The following LRRK2 variants were observed in gnomAD, a reference collection of about 807,000 sequenced individuals.
The protein encoded by LRRK2 is leucine-rich repeat serine/threonine-protein kinase 2.
Under a neutral mutation model 302.6 loss-of-function variants are expected in LRRK2, and 203 were observed. The observed-to-expected ratio is 0.67, with a 90% CI of 0.60 to 0.75. LRRK2 has a LOEUF of 0.75. Among genes scored for constraint, LRRK2 ranks in the 30% least tolerant of loss-of-function variants. The pLI, the probability that LRRK2 is intolerant of heterozygous loss-of-function variation, is 0.00. For missense variants in LRRK2, 2,830 were observed against 2,951.0 expected, an observed-to-expected ratio of 0.96 and a Z score of 0.95; for synonymous variants, 1,066 against 1,031.9, an observed-to-expected ratio of 1.03 and a Z score of -0.63.
chr12:40,276,010 T>C (rs1005545885), intron 16 of LRRK2, among the ~76,000 whole-genome samples: 1 of 152,152 alleles, frequency 6.6e-6, no homozygotes, highest in Non-Finnish European at 1.5e-5. Context: ...TGAGAGAATA[T>C]GTGTAAAGTT....
Position 40,240,536 on chromosome 12 carries a change from T to C in LRRK2, c.625T>C (p.Leu209=). Residue 209 remains leucine, a synonymous_variant, in exon 6 of 51, where the codon TTA becomes CTA. Coordinates refer to ENST00000298910, the MANE Select transcript of LRRK2 (RefSeq NM_198578.4). ...FVENKDYMIL[L]SALTNFKDEE... ...TGAGAACAAAGATTATATGATATTG[T>C]TAAGTGCGTTAACAAATTTTAAAGA... 6.2e-7 allele frequency: 1 copy of C among 1,613,250 alleles called. No individual in the cohort carries two copies. Among genetic ancestry groups the C allele is most frequent in the South Asian group, 1.1e-5 (1 of 91,068 alleles).
intron 5 of LRRK2, among the ~76,000 whole-genome samples, chr12:40,238,683 A>G (rs1236696035): frequency 6.6e-6 from 1 of 152,180 alleles, no homozygotes; most frequent in Non-Finnish European, 1.5e-5. Flanking sequence ...TTGTGACAGT[A>G]CAGTTCAATT....
rs1393723893 is a variant in LRRK2 at position 40,260,221 on chromosome 12, G to GA, written c.1543+624dup. On this transcript the variant is annotated intron_variant, in intron 13 of 50. Coordinates refer to ENST00000298910, the MANE Select transcript of LRRK2 (RefSeq NM_198578.4). The stretch of plus-strand genomic sequence containing the variant: ...CTGTTAAACTTTAAAAGATGAATTG[G>GA]AAAAAAAGCACAACTGTACTATTAT... Among the ~76,000 whole-genome samples, 3 of 151,818 alleles carry GA rather than the reference G, an allele frequency of 2.0e-5. No individual in the cohort carries two copies. In the East Asian group the frequency reaches 5.8e-4, roughly 29 times the overall value.
chr12:40,250,038 C>T (rs1942184316), intron 8 of LRRK2, 93 bp downstream of exon 8: 2 of 1,460,080 alleles, frequency 1.4e-6, no homozygotes, highest in Non-Finnish European at 1.9e-6. Flanking sequence ...CAGATGGAAG[C>T]ATTCAATGCC....
intron 19 of LRRK2, among the ~76,000 whole-genome samples, chr12:40,284,514 A>G (rs897707320): frequency 6.6e-6 from 1 of 152,048 alleles, no homozygotes; most frequent in East Asian, 1.9e-4. Context: ...CTAACTTTTT[A>G]TATGCTTACA....
chr12:40,294,533 A>C (rs564308005), intron 21 of LRRK2, among the ~76,000 whole-genome samples: 1 of 152,188 alleles, frequency 6.6e-6, no homozygotes, highest in African/African-American at 2.4e-5. Context: ...TTTATATATA[A>C]ATTTAGTTAT....
At chr12:40,334,491 G>T (rs2136936242) in intron 39 of LRRK2, among the ~76,000 whole-genome samples, 1 of 152,198 alleles carries the variant, frequency 6.6e-6, no homozygotes, top group African/African-American at 2.4e-5. Context: ...ATTAACACAT[G>T]TTTTATATGT....
chr12:40,330,239 T>C (rs1340237582), intron 39 of LRRK2, among the ~76,000 whole-genome samples: 1 of 152,228 alleles, frequency 6.6e-6, no homozygotes, highest in African/African-American at 2.4e-5. Flanking sequence ...AGTCCTTACA[T>C]GTTAAAAATA....
At chr12:40,261,533 A>G (rs1468240303) in intron 13 of LRRK2, among the ~76,000 whole-genome samples, 1 of 152,164 alleles carries the variant, frequency 6.6e-6, no homozygotes, top group Non-Finnish European at 1.5e-5. Flanking sequence ...TTCTTCTAGT[A>G]GGTAAAGGCT....
intron 23 of LRRK2, 71 bp from the exon 24 acceptor site, chr12:40,298,172 G>A (rs1944454617): frequency 3.9e-6 from 6 of 1,524,708 alleles, no homozygotes; most frequent in Non-Finnish European, 5.4e-6. Flanking sequence ...AGGTGTGTAA[G>A]GCAGAAATAT....
chr12:40,278,645 CCT>C (rs1158318045), intron 18 of LRRK2, among the ~76,000 whole-genome samples: 1 of 152,094 alleles, frequency 6.6e-6, no homozygotes, highest in African/African-American at 2.4e-5. Context: ...AAAGTTCTCC[CCT>C]GAGGGCTACC....
chr12:40,323,030 T>C (rs1157504965), intron 37 of LRRK2, 130 bp from the exon 38 acceptor site: 5 of 747,190 alleles, frequency 6.7e-6, no homozygotes, highest in Non-Finnish European at 1.1e-5. Flanking sequence ...TAGAGAAATA[T>C]AGGATTGGTT....
chr12:40,352,451 G>T (rs1471007291), intron 44 of LRRK2, among the ~76,000 whole-genome samples: 7 of 117,624 alleles, frequency 6.0e-5, no homozygotes, highest in African/African-American at 9.0e-5. Context: ...CTCAACATTA[G>T]TTCTGAGGTT....
chr12:40,339,897 C>A (rs1945984386), intron 40 of LRRK2, among the ~76,000 whole-genome samples: 1 of 152,238 alleles, frequency 6.6e-6, no homozygotes, highest in South Asian at 2.1e-4. Flanking sequence ...GCAAGTACAA[C>A]AAAATCCCAT....
chr12:40,363,266 AT>A (rs1450354763), intron 47 of LRRK2, 135 bp from the exon 48 acceptor site: 1 of 719,860 alleles, frequency 1.4e-6, no homozygotes, highest in East Asian at 2.8e-5. Context: ...AGAATATGAA[AT>A]AATTGCAATA....
Position 40,225,267 on chromosome 12 carries a change from A to T in LRRK2, c.136A>T (p.Thr46Ser). The T allele has an allele frequency of 6.2e-7, 1 of 1,614,166 alleles. No individual in the cohort carries two copies. The highest frequency in any genetic ancestry group is 8.5e-7 in the Non-Finnish European group (1 of 1,180,020). The change falls in exon 1 of 51, where the codon ACG becomes TCG. Residue 46 changes from threonine to serine, a missense_variant. Transcript: ENST00000298910. ...AATCCTGGAGGATCTGCTGGTGTTC[A>T]CGTACTCCGAGCGCGGTAATCACTT... ...VQILEDLLVFTYSERASKLFQ... is the reference protein window; with the variant it reads ...VQILEDLLVFSYSERASKLFQ...
intron 6 of LRRK2, among the ~76,000 whole-genome samples, chr12:40,241,201 C>A (rs1049003732): frequency 6.6e-6 from 1 of 152,116 alleles, no homozygotes; most frequent in African/African-American, 2.4e-5. Context: ...AATATCCTAT[C>A]CGTTTGTGTT....
chr12:40,295,936 A>G (rs1411056168), intron 23 of LRRK2, among the ~76,000 whole-genome samples: 1 of 152,204 alleles, frequency 6.6e-6, no homozygotes, highest in Non-Finnish European at 1.5e-5. Flanking sequence ...CATTTAATTC[A>G]AGTAAGACAA....
intron 42 of LRRK2, among the ~76,000 whole-genome samples, chr12:40,347,644 T>C (rs1478848375): frequency 1.3e-5 from 2 of 152,254 alleles, no homozygotes; most frequent in Non-Finnish European, 2.9e-5. Flanking sequence ...TTATTTCCCT[T>C]ATTTTACTAG....
Sources: gnomAD v4.1 joint callset for allele counts (sites outside exome capture counted in the v4.1 genomes callset) on GRCh38, gnomAD v4.1.1 for gene constraint, MANE v1.5 for transcripts, NCBI Gene and HGNC (gene_info 2026-07-23, HGNC 2026-07-21) for gene names.